Variants in HIRIP3 observed in about 807,000 individuals in gnomAD.
HIRIP3 encodes HIRA interacting protein 3, also known as HIRA-interacting protein 3.
A neutral mutation model predicts 50.3 loss-of-function variants in HIRIP3; 40 were observed. The observed-to-expected ratio is 0.79, with a 90% confidence interval of 0.62 to 1.03. HIRIP3 has a LOEUF of 1.03. Among genes scored for constraint, HIRIP3 ranks in the 50% least tolerant of loss-of-function variants. The probability of loss-of-function intolerance (pLI) is 0.00; values close to 1 mark genes in which losing one functional copy is unlikely to be tolerated. For synonymous variants in HIRIP3, 318 were observed against 261.6 expected (o/e 1.22, Z -2.08); for missense variants, 765 against 705.4 (o/e 1.08, Z -0.96).
At position 29,994,626 on chromosome 16, in the gene HIRIP3, C is replaced by T. The variant is rs752101617; in HGVS notation, c.519G>A (p.Lys173=). 3.1e-6 allele frequency: 5 copies of T among 1,614,046 alleles called. No homozygotes were observed. Among genetic ancestry groups the T allele is most frequent in the Admixed American group, 3.3e-5 (2 of 60,006 alleles). Residue 173 remains lysine, a synonymous_variant, in exon 4 of 7, where the codon AAG becomes AAA. Coordinates refer to ENST00000279392, the MANE Select transcript of HIRIP3 (RefSeq NM_003609.5). ...GTGCCTGCTTCTTTACCACAGGTTT[C>T]TTCCTAGTCTTCCCCTTGTACCCCT... The part of the protein sequence containing the change: ...EEKGYKGKTR[K]KPVVKKQAPG...
Position 29,993,220 on chromosome 16 carries a change from C to A in HIRIP3, c.1658G>T (p.Gly553Val). Residue 553 changes from glycine (G) to valine (V), a missense_variant, in exon 7 of 7, where the codon GGC becomes GTC. Physicochemically the swap from Gly to Val is moderately radical, Grantham distance 109. Coordinates refer to ENST00000279392, the MANE Select transcript of HIRIP3 (RefSeq NM_003609.5). ...GGGTGGCAGAGCTCAGTTACTCTCG[C>A]CATCACTGCTGATGATGCCACGCAT... ...SHMRGIISSD[G>V]ESN 6.3e-7 allele frequency: 1 copy of A among 1,592,682 alleles called. No individual in the cohort carries two copies. Among genetic ancestry groups the A allele is most frequent in the Non-Finnish European group, 8.6e-7 (1 of 1,168,904 alleles).
rs1212196749 is a variant in HIRIP3 at position 29,995,418 on chromosome 16, C to G, written c.111G>C (p.Ser37=). 6.2e-7 allele frequency: 1 copy of G among 1,613,610 alleles called. No homozygotes were observed. Among genetic ancestry groups the G allele is most frequent in the African/African-American group, 1.3e-5 (1 of 74,942 alleles). Residue 37 remains serine, a synonymous_variant, in exon 2 of 7, where the codon TCG becomes TCC. Coordinates refer to ENST00000279392, the MANE Select transcript of HIRIP3 (RefSeq NM_003609.5). Reference sequence around the variant, plus strand: ...CCTCGGGCTCCAGGTGGCTGCGGCCCGAGTGAGCTAAGTACCTCCGCCGCA... The same window carrying G: ...CCTCGGGCTCCAGGTGGCTGCGGCCGGAGTGAGCTAAGTACCTCCGCCGCA... ...SIVRRRYLAH[S]GRSHLEPEEK...
In HIRIP3 at chr16:29,994,701, C is replaced by G; in HGVS notation, c.444G>C (p.Gln148His). 1.2e-6 allele frequency: 2 copies of G among 1,614,212 alleles called. No individual in the cohort carries two copies. Among genetic ancestry groups the G allele is most frequent in the South Asian group, 2.2e-5 (2 of 91,090 alleles). ...AVEESSDEER[Q>H]RDLPAQRGEE... is the part of the protein sequence containing the mutation. ...CTCCCCTCTGTGCGGGCAGGTCCCT[C>G]TGCCGTTCCTCATCACTGCTCTCCT... The change falls in exon 4 of 7, where the codon CAG becomes CAC. Residue 148 changes from glutamine to histidine, a missense_variant. Gln to His is a conservative substitution (Grantham distance 24). Transcript: ENST00000279392.
chr16:29,995,447 T>C lies in HIRIP3; in HGVS notation c.82A>G (p.Ile28Val). 3 of 1,613,726 alleles carry C rather than the reference T, an allele frequency of 1.9e-6. No individual in the cohort carries two copies. The highest frequency in any genetic ancestry group is 2.5e-6 in the Non-Finnish European group (3 of 1,179,804). ...TGAGCTAAGTACCTCCGCCGCACGA[T>C]GGAATGCGTAAGCGTGCTGCAGGGA... Reference protein sequence around the residue: ...RPDLSTLTHSIVRRRYLAHSG... With the variant: ...RPDLSTLTHSVVRRRYLAHSG... The change falls in exon 2 of 7, where the codon ATC (isoleucine) becomes GTC (valine). Residue 28 changes from isoleucine to valine, a missense_variant. Ile to Val is a conservative substitution (Grantham distance 29). Transcript: ENST00000279392.
intron 3 of HIRIP3, 38 bp from the exon 4 acceptor site, chr16:29,994,881 C>T: frequency 3.2e-6 from 5 of 1,555,056 alleles, no homozygotes; most frequent in Non-Finnish European, 4.3e-6. Context: ...AGACAGGCTC[C>T]TCCTGTCCCT....
chr16:29,995,625 A>C (rs1460008359), upstream of HIRIP3: 15 of 1,611,222 alleles, frequency 9.3e-6, no homozygotes, highest in African/African-American at 1.3e-5. Flanking sequence ...CCCGGGATTG[A>C]CGGCTCCCGC....
chr16:29,995,432 A>G lies in HIRIP3; in HGVS notation c.97T>C (p.Tyr33His). 1.2e-6 allele frequency: 2 copies of G among 1,613,626 alleles called. No individual in the cohort carries two copies. The highest frequency in any genetic ancestry group is 1.7e-6 in the Non-Finnish European group (2 of 1,179,870). Residue 33 changes from tyrosine to histidine, a missense_variant, in exon 2 of 7, where the codon TAC becomes CAC. Coordinates refer to ENST00000279392, the MANE Select transcript of HIRIP3 (RefSeq NM_003609.5). ...TLTHSIVRRR[Y>H]LAHSGRSHLE... ...TGGCTGCGGCCCGAGTGAGCTAAGT[A>G]CCTCCGCCGCACGATGGAATGCGTA...
intron 3 of HIRIP3, 56 bp downstream of exon 3, chr16:29,995,047 C>T (rs1010526296): frequency 1.3e-6 from 2 of 1,562,948 alleles, no homozygotes; most frequent in Non-Finnish European, 1.8e-6. Context: ...GCAGTGAATG[C>T]TTCTTGAGTG....
chr16:29,995,685 C>G, upstream of HIRIP3: 1 of 1,547,198 alleles, frequency 6.5e-7, no homozygotes. Flanking sequence ...GGCTCGCGCA[C>G]GCGCAGTGCT....
chr16:29,995,464 C>G lies in HIRIP3; in HGVS notation c.66-1G>C, dbSNP rs1217864397. 1 of 1,613,546 alleles carries G rather than the reference C, an allele frequency of 6.2e-7. No homozygotes were observed. The highest frequency in any genetic ancestry group is 1.1e-5 in the South Asian group (1 of 91,036). ...CCGCACGATGGAATGCGTAAGCGTG[C>G]TGCAGGGACATGGTGTCAGGACGGA... On this transcript the variant is annotated splice_acceptor_variant, in intron 1 of 6. Transcript: ENST00000279392. LOFTEE classifies it high-confidence loss of function.
rs2070000644 is a variant in HIRIP3 at position 29,992,736 on chromosome 16, C to T, written c.*471G>A. 6.5e-6 allele frequency: 1 copy of T among 153,708 alleles called. No individual in the cohort carries two copies. Among genetic ancestry groups the T allele is most frequent in the East Asian group, 1.9e-4 (1 of 5,228 alleles). 9.5% of individuals were successfully genotyped at this position (153,708 alleles called of 1,614,324 possible). On this transcript the variant is annotated 3_prime_UTR_variant, in exon 7 of 7. Coordinates refer to ENST00000279392, the MANE Select transcript of HIRIP3 (RefSeq NM_003609.5). ...TGGCTGCCCTCAAGTCATTCTATCC[C>T]TCTCCCAAGTGGGCATTAGGTTATC...
rs1352632908 is a variant in HIRIP3, at chr16:29,993,896, T to A, written c.1239+10A>T. 2.5e-6 allele frequency: 4 copies of A among 1,580,246 alleles called. No individual in the cohort carries two copies. ...CCTAATAGTGGCCTCCCACCCCTCC[T>A]CACCCTCACCTTCCCTCCTTTGGCC... On this transcript the variant is annotated intron_variant, in intron 4 of 6. Coordinates refer to ENST00000279392, the MANE Select transcript of HIRIP3 (RefSeq NM_003609.5).
rs1437343800 is a variant in HIRIP3, at chr16:29,994,602, T to C, written c.543A>G (p.Ala181=). Residue 181 remains alanine, a synonymous_variant, in exon 4 of 7, where the codon GCA becomes GCG. Coordinates refer to ENST00000279392, the MANE Select transcript of HIRIP3 (RefSeq NM_003609.5). The part of the protein sequence containing the change: ...TRKKPVVKKQ[A]PGKASVSRKQ... ...TCCTACTGACTGAGGCCTTGCCTGG[T>C]GCCTGCTTCTTTACCACAGGTTTCT... 2 of 1,614,180 alleles carry C rather than the reference T, an allele frequency of 1.2e-6. No individual in the cohort carries two copies. Among genetic ancestry groups the C allele is most frequent in the Non-Finnish European group, 8.5e-7 (1 of 1,180,024 alleles).
chr16:29,996,078 G>A (rs1181308346), upstream of HIRIP3: 5 of 600,288 alleles, frequency 8.3e-6, no homozygotes, highest in Admixed American at 3.0e-5. Flanking sequence ...TTTTTGTGGC[G>A]TCACCGCGTC....
intron 3 of HIRIP3, 79 bp from the exon 4 acceptor site, chr16:29,994,922 G>T: frequency 6.6e-7 from 1 of 1,519,042 alleles, no homozygotes; most frequent in South Asian, 1.3e-5. Flanking sequence ...GTTGCCTCGA[G>T]CCCTGCCCTG....
Position 29,994,169 on chromosome 16 carries a change from C to G in HIRIP3, c.976G>C (p.Gly326Arg). 1 of 1,614,182 alleles carries G rather than the reference C, an allele frequency of 6.2e-7. No homozygotes were observed. Among genetic ancestry groups the G allele is most frequent in the South Asian group, 1.1e-5 (1 of 91,076 alleles). Residue 326 changes from glycine to arginine, a missense_variant, in exon 4 of 7, where the codon GGG becomes CGG. Coordinates refer to ENST00000279392, the MANE Select transcript of HIRIP3 (RefSeq NM_003609.5). ...KSEDRTQLKG[G>R]KRLSGSSEDE... The stretch of plus-strand genomic sequence containing the variant: ...TCGCTGCTTCCACTCAACCTCTTCC[C>G]ACCCTTAAGCTGGGTCCTGTCCTCA...
At position 29,993,142 on chromosome 16, in the gene HIRIP3, CAG is replaced by C. The variant is rs2070005780; in HGVS notation, c.*63_*64del. 1 of 1,446,700 alleles carries C rather than the reference CAG, an allele frequency of 6.9e-7. No individual in the cohort carries two copies. Among genetic ancestry groups the C allele is most frequent in the South Asian group, 1.4e-5 (1 of 68,986 alleles). 89.6% of individuals were successfully genotyped at this position (1,446,700 alleles called of 1,614,324 possible). On this transcript the variant is annotated 3_prime_UTR_variant, in exon 7 of 7. Transcript: ENST00000279392. Reference sequence around the variant, plus strand: ...GGAAGCTGCTTCTGTTCCACAGACACAGGGCAAGGGGTGCTATGTATGCTTTG... The same window carrying C: ...GGAAGCTGCTTCTGTTCCACAGACACGGCAAGGGGTGCTATGTATGCTTTG...
rs528467410 is a variant in HIRIP3 at position 29,995,614 on chromosome 16, A to C, written c.-9T>G. ...TCCTTCTCCCGCGCCATTTTGCTCAACCCGGGATTGACGGCTCCCGCCTTT... is the reference window on the plus strand; with the variant it reads ...TCCTTCTCCCGCGCCATTTTGCTCACCCCGGGATTGACGGCTCCCGCCTTT... On this transcript the variant is annotated 5_prime_UTR_variant, in exon 1 of 7. Transcript: ENST00000279392. 1 of 1,611,836 alleles carries C rather than the reference A, an allele frequency of 6.2e-7. No homozygotes were observed. Among genetic ancestry groups the C allele is most frequent in the East Asian group, 2.2e-5 (1 of 44,870 alleles).
rs1247888067 is a variant in HIRIP3, at chr16:29,993,293, C to A, written c.1585G>T (p.Asp529Tyr). The A allele has an allele frequency of 6.5e-7, 1 of 1,546,256 alleles. No individual in the cohort carries two copies. Among genetic ancestry groups the A allele is most frequent in the African/African-American group, 1.4e-5 (1 of 72,688 alleles). ...GGACGGGGCCGCTCTTCATCTGAGT[C>A]CAGGGTCCGTCGGTACAGCTCCCCT... ...PPGELYRRTL[D>Y]SDEERPRPAP... Residue 529 changes from aspartate to tyrosine, a missense_variant, in exon 7 of 7, where the codon GAC (aspartate) becomes TAC (tyrosine). Transcript: ENST00000279392.
Sources: allele counts gnomAD v4.1 joint callset, GRCh38; gene constraint gnomAD v4.1.1; transcripts MANE v1.5; gene names NCBI Gene and HGNC (gene_info 2026-07-23, HGNC 2026-07-21).